HPGD: variants seen among roughly 807,000 people sequenced by gnomAD.
The protein encoded by HPGD is 15-hydroxyprostaglandin dehydrogenase.
Under a neutral mutation model 30.0 loss-of-function variants are expected in HPGD, and 29 were observed. The ratio of observed to expected loss-of-function variants is 0.97; its 90% confidence interval spans 0.72 to 1.32. HPGD has a LOEUF of 1.32. Among genes scored for constraint, HPGD ranks in the 40% most tolerant of loss-of-function variants. HPGD has a pLI of 0.00. For synonymous variants in HPGD, 99 were observed against 112.4 expected, an observed-to-expected ratio of 0.88 and a Z score of 0.75; for missense variants, 340 against 322.1, an observed-to-expected ratio of 1.06 and a Z score of -0.43.
chr4:174,491,762 C>T lies in HPGD; in HGVS notation c.*194G>A. On this transcript the variant is annotated 3_prime_UTR_variant, in exon 7 of 7. Transcript: ENST00000296522. Reference sequence around the variant, plus strand: ...CAAGATTACAACCTAGCCTTTGGTCCACATCACATTTTTAATAGTTCATAA... The same window carrying T: ...CAAGATTACAACCTAGCCTTTGGTCTACATCACATTTTTAATAGTTCATAA... The T allele has an allele frequency of 1.1e-5, 6 of 556,120 alleles. No individual in the cohort carries two copies. Among genetic ancestry groups the T allele is most frequent in the South Asian group, 4.4e-5 (2 of 45,650 alleles). The allele number at this position is 556,120 out of a possible 1,614,324, so 34.4% of individuals were successfully genotyped here. A position where few individuals can be genotyped will look rare whatever the true frequency, so the allele number is the denominator to read the frequency against.
intron 2 of HPGD, 34 bp downstream of exon 2, chr4:174,521,910 G>T: frequency 1.2e-6 from 2 of 1,613,406 alleles, no homozygotes; most frequent in Non-Finnish European, 1.7e-6. Context: ...TTGAGAGCAC[G>T]TTCCCAGTTG....
rs1240818510 is a variant in HPGD, at chr4:174,491,829, A to G, written c.*127T>C. On this transcript the variant is annotated 3_prime_UTR_variant, in exon 7 of 7. Transcript: ENST00000296522. The stretch of plus-strand genomic sequence containing the variant: ...TTAACTAAAAATTTAGAAAACGTTT[A>G]TCACCAAGTGCATGAAGGAAAACTT... 2 of 867,002 alleles carry G rather than the reference A, an allele frequency of 2.3e-6. No individual in the cohort carries two copies. The highest frequency in any genetic ancestry group is 3.3e-5 in the African/African-American group (2 of 59,786). The allele number at this position is 867,002 out of a possible 1,614,324, so 53.7% of individuals were successfully genotyped here. A position where few individuals can be genotyped will look rare whatever the true frequency, so the allele number is the denominator to read the frequency against.
intron 3 of HPGD, among the ~76,000 whole-genome samples, chr4:174,513,460 ATT>A (rs369816777): frequency 1.8e-4 from 27 of 147,456 alleles, no homozygotes; most frequent in Non-Finnish European, 2.4e-4. Context: ...TAAAATGCAT[ATT>A]TTTTTTTTTT....
In HPGD at chr4:174,521,978, G is replaced by T; in HGVS notation, c.183C>A (p.Ile61=). 1 of 1,614,160 alleles carries T rather than the reference G, an allele frequency of 6.2e-7. No individual in the cohort carries two copies. Among genetic ancestry groups the T allele is most frequent in the East Asian group, 2.2e-5 (1 of 44,872 alleles). ...EQFEPQKTLF[I]QCDVADQQQL... ...GTTGCTGGTCAGCCACATCGCACTG[G>T]ATGAACAGAGTCTTCTGAGGTTCAA... Residue 61 remains isoleucine, a synonymous_variant, in exon 2 of 7, where the codon ATC becomes ATA. Transcript: ENST00000296522.
chr4:174,521,360 G>A (rs1736108337), intron 2 of HPGD, among the ~76,000 whole-genome samples: 1 of 152,166 alleles, frequency 6.6e-6, no homozygotes, highest in African/African-American at 2.4e-5. Context: ...AAGGCTGATA[G>A]AGATGTTTCT....
chr4:174,493,567 G>A (rs1734446585), intron 5 of HPGD: 1 of 400,442 alleles, frequency 2.5e-6, no homozygotes, highest in Non-Finnish European at 4.6e-6. Flanking sequence ...AAACAATTAT[G>A]TAAGCTTCTC....
In HPGD at chr4:174,490,913, T is replaced by C. The variant is rs930622982; in HGVS notation, c.*1043A>G. Reference sequence around the variant, plus strand: ...TACCCAAAGCAGGTGTATTTAATGATTCTTAAGATAGCTGACAACAAAAAA... The same window carrying C: ...TACCCAAAGCAGGTGTATTTAATGACTCTTAAGATAGCTGACAACAAAAAA... On this transcript the variant is annotated 3_prime_UTR_variant, in exon 7 of 7. Transcript: ENST00000296522. This position sits in a 1 kb window ranked among gnomAD's most constrained non-coding sequence, Gnocchi z 4.4. The C allele has an allele frequency of 6.6e-6, 1 of 152,346 alleles. No individual in the cohort carries two copies. The highest frequency in any genetic ancestry group is 2.4e-5 in the African/African-American group (1 of 41,468). The allele number at this position is 152,346 out of a possible 1,614,324, so 9.4% of individuals were successfully genotyped here. A position where few individuals can be genotyped will look rare whatever the true frequency, so the allele number is the denominator to read the frequency against.
chr4:174,500,677 C>T (rs780251210), intron 4 of HPGD, among the ~76,000 whole-genome samples: 3 of 152,156 alleles, frequency 2.0e-5, no homozygotes, highest in Non-Finnish European at 4.4e-5. Context: ...AACTATATGA[C>T]ATCTGGAAAA....
At position 174,495,622 on chromosome 4, in the gene HPGD, G is replaced by A. The variant is rs199512526; in HGVS notation, c.424C>T (p.Leu142Phe). ...ACCGGCTGCTGTGCAACGGGCATGAGTCCTGAAACAGACAAATATAACATT... is the reference window on the plus strand; with the variant it reads ...ACCGGCTGCTGTGCAACGGGCATGAATCCTGAAACAGACAAATATAACATT... Reference protein sequence around the residue: ...IIINMSSLAGLMPVAQQPVYC... With the variant: ...IIINMSSLAGFMPVAQQPVYC... The change falls in exon 5 of 7, where the codon CTC becomes TTC. Residue 142 changes from leucine (L) to phenylalanine (F), a missense_variant and splice_region_variant. Leu to Phe is a conservative substitution (Grantham distance 22, BLOSUM62 0). Transcript: ENST00000296522. 2 of 1,610,948 alleles carry A rather than the reference G, an allele frequency of 1.2e-6. No homozygotes were observed. The highest frequency in any genetic ancestry group is 1.7e-6 in the Non-Finnish European group (2 of 1,177,326).
intron 4 of HPGD, among the ~76,000 whole-genome samples, chr4:174,502,729 T>C (rs1431196896): frequency 6.6e-6 from 1 of 151,176 alleles, no homozygotes; most frequent in African/African-American, 2.4e-5. Context: ...CACTATATAT[T>C]CTATAACAAA....
chr4:174,503,703 G>A (rs1356299740), intron 4 of HPGD, among the ~76,000 whole-genome samples: 1 of 150,358 alleles, frequency 6.7e-6, no homozygotes, highest in South Asian at 2.1e-4. Context: ...TAAATATCAT[G>A]CTTCTGGGTT....
chr4:174,497,558 C>CTTTTTTTT (rs1206407147), intron 4 of HPGD, among the ~76,000 whole-genome samples: 1 of 50,708 alleles, frequency 2.0e-5, no homozygotes, highest in Non-Finnish European at 4.5e-5. Context: ...TCTTTTCTTT[C>CTTTTTTTT]TTTTTCTTTC....
chr4:174,510,197 T>C (rs1042026465), intron 3 of HPGD, among the ~76,000 whole-genome samples: 11 of 152,220 alleles, frequency 7.2e-5, no homozygotes, highest in Non-Finnish European at 1.5e-4. Flanking sequence ...TCAGATATAC[T>C]TCTCCTACCT....
intron 5 of HPGD, 56 bp from the exon 6 acceptor site, chr4:174,493,370 A>C: frequency 6.6e-7 from 1 of 1,521,404 alleles, no homozygotes. Flanking sequence ...AGCACAGGAC[A>C]AACTGATCAT....
At chr4:174,521,871 T>C in intron 2 of HPGD, 73 bp downstream of exon 2, 2 of 1,595,590 alleles carry the variant, frequency 1.3e-6, no homozygotes, top group Non-Finnish European at 1.7e-6. Context: ...CAGGGCCCCC[T>C]GGCCGGGCTG....
chr4:174,521,888 G>T (rs1479717741), intron 2 of HPGD, 56 bp downstream of exon 2: 18 of 1,610,602 alleles, frequency 1.1e-5, no homozygotes, highest in African/African-American at 2.7e-5. Context: ...GCTGCCTTCA[G>T]GTTGTTGCTT....
At chr4:174,515,944 C>A (rs190688377) in intron 3 of HPGD, among the ~76,000 whole-genome samples, 2 of 152,012 alleles carry the variant, frequency 1.3e-5, no homozygotes, top group Admixed American at 1.3e-4. Context: ...AATTTCACAG[C>A]GATCAGAATG....
At chr4:174,504,746 T>C (rs1735097023) in intron 4 of HPGD, among the ~76,000 whole-genome samples, 3 of 151,724 alleles carry the variant, frequency 2.0e-5, no homozygotes, top group East Asian at 1.9e-4. Flanking sequence ...CTGAGAGGTG[T>C]TGGTTGTAGT....
chr4:174,502,320 T>TG (rs1734942179), intron 4 of HPGD, among the ~76,000 whole-genome samples: 2 of 152,356 alleles, frequency 1.3e-5, no homozygotes, highest in South Asian at 2.1e-4. Context: ...ATCTGATGGC[T>TG]GTTTTTTTTC....
Sources: gnomAD v4.1 joint callset for allele counts (sites outside exome capture counted in the v4.1 genomes callset) on GRCh38, gnomAD v4.1.1 for gene constraint, Gnocchi (gnomAD v3.1) non-coding constraint, MANE v1.5 for transcripts, NCBI Gene and HGNC (gene_info 2026-07-23, HGNC 2026-07-21) for gene names.